Variants in OSBPL1A observed in about 807,000 individuals in gnomAD.
The protein encoded by OSBPL1A is oxysterol-binding protein-related protein 1.
OSBPL1A carries 80 observed loss-of-function variants against 137.1 expected under a neutral mutation model. That is an observed-to-expected ratio of 0.58 (90% confidence interval 0.49 to 0.70). The LOEUF (loss-of-function observed/expected upper bound fraction) is 0.70. OSBPL1A is among the 30% of genes least tolerant of loss of function. OSBPL1A has a pLI of 0.00. For synonymous variants in OSBPL1A, 365 were observed against 389.7 expected, an observed-to-expected ratio of 0.94 and a Z score of 0.75; for missense variants, 970 against 1,129.4, an observed-to-expected ratio of 0.86 and a Z score of 2.02.
At chr18:24,297,708 C>T (rs1280394188) in intron 14 of OSBPL1A, among the ~76,000 whole-genome samples, 1 of 152,072 alleles carries the variant, frequency 6.6e-6, no homozygotes, top group East Asian at 1.9e-4. Context: ...CTGAGCATTC[C>T]TTTTGGAGTT....
At chr18:24,351,528 T>TTTTGTTTG (rs146795519) in intron 4 of OSBPL1A, among the ~76,000 whole-genome samples, 2 of 150,938 alleles carry the variant, frequency 1.3e-5, no homozygotes, top group African/African-American at 2.4e-5. Context: ...TGCAATTGTT[T>TTTTGTTTG]TTTGTTTGTT....
At chr18:24,377,970 T>C (rs1418941667) in intron 1 of OSBPL1A, among the ~76,000 whole-genome samples, 1 of 152,188 alleles carries the variant, frequency 6.6e-6, no homozygotes, top group Non-Finnish European at 1.5e-5. Context: ...ATAGGAATAG[T>C]GTAAGACTAA....
intron 17 of OSBPL1A, among the ~76,000 whole-genome samples, chr18:24,214,738 C>T (rs1375161424): frequency 6.6e-6 from 1 of 152,076 alleles, no homozygotes; most frequent in Non-Finnish European, 1.5e-5. Context: ...TTTCTGATCA[C>T]CAAAACAAGG....
At chr18:24,168,470 T>C (rs1025696240) in intron 24 of OSBPL1A, among the ~76,000 whole-genome samples, 4 of 152,176 alleles carry the variant, frequency 2.6e-5, no homozygotes, top group African/African-American at 9.7e-5. Flanking sequence ...GGAGCCAGCA[T>C]TTCCTCGGGC....
intron 2 of OSBPL1A, among the ~76,000 whole-genome samples, chr18:24,374,875 G>A (rs752382953): frequency 1.3e-5 from 2 of 152,116 alleles, no homozygotes; most frequent in Admixed American, 6.6e-5. Context: ...GACAAGGGTG[G>A]CTGAGGACCC....
At chr18:24,311,692 C>G (rs1359067478) in intron 13 of OSBPL1A, among the ~76,000 whole-genome samples, 2 of 152,184 alleles carry the variant, frequency 1.3e-5, no homozygotes, top group African/African-American at 2.4e-5. Context: ...CTCGCAGCAA[C>G]TTTCAAACAA....
chr18:24,200,335 G>A (rs374533792), intron 17 of OSBPL1A, among the ~76,000 whole-genome samples: 8 of 151,968 alleles, frequency 5.3e-5, no homozygotes, highest in African/African-American at 9.7e-5. Context: ...AGGCTGAGGC[G>A]GGTGGATCAC....
At chr18:24,168,709 C>G (rs934835404) in intron 24 of OSBPL1A, among the ~76,000 whole-genome samples, 2 of 152,162 alleles carry the variant, frequency 1.3e-5, no homozygotes, top group Admixed American at 6.5e-5. Flanking sequence ...GCTAATGACA[C>G]AAACTTCCCG....
At chr18:24,217,473 T>A (rs957005046) in intron 17 of OSBPL1A, among the ~76,000 whole-genome samples, 3 of 152,062 alleles carry the variant, frequency 2.0e-5, no homozygotes, top group Admixed American at 1.3e-4. Context: ...GGCCAACTGG[T>A]CTTGAACTCC....
intron 7 of OSBPL1A, among the ~76,000 whole-genome samples, chr18:24,328,277 G>A (rs1464119299): frequency 7.5e-6 from 1 of 133,244 alleles, no homozygotes; most frequent in Non-Finnish European, 1.5e-5. Flanking sequence ...AGCCAGGATG[G>A]TCTCAATCTC....
chr18:24,306,668 G>T (rs1022708751), intron 13 of OSBPL1A, among the ~76,000 whole-genome samples: 1 of 152,060 alleles, frequency 6.6e-6, no homozygotes, highest in Admixed American at 6.6e-5. Context: ...GTATTATCTG[G>T]GAAGAGCAGC....
intron 1 of OSBPL1A, among the ~76,000 whole-genome samples, chr18:24,393,483 C>T (rs998315041): frequency 7.9e-5 from 12 of 152,088 alleles, no homozygotes; most frequent in East Asian, 3.9e-4. Context: ...GACGGAGTCT[C>T]GCTCTGTCGC....
chr18:24,278,474 T>C (rs1208239160), intron 15 of OSBPL1A, among the ~76,000 whole-genome samples: 1 of 152,210 alleles, frequency 6.6e-6, no homozygotes, highest in Non-Finnish European at 1.5e-5. Context: ...TCTTATTTAA[T>C]CCTCATGATA....
chr18:24,281,998 G>A (rs946853275), intron 14 of OSBPL1A, among the ~76,000 whole-genome samples: 1 of 152,140 alleles, frequency 6.6e-6, no homozygotes, highest in Admixed American at 6.5e-5. Flanking sequence ...GATTTAGGTT[G>A]CGGGCTCCTT....
intron 5 of OSBPL1A, among the ~76,000 whole-genome samples, chr18:24,340,035 C>T (rs1197988571): frequency 1.3e-5 from 2 of 152,158 alleles, no homozygotes; most frequent in East Asian, 3.9e-4. Context: ...TATTGCCTTT[C>T]TCTGAATTCC....
intron 7 of OSBPL1A, among the ~76,000 whole-genome samples, chr18:24,319,536 C>T (rs1204902940): frequency 6.6e-6 from 1 of 152,138 alleles, no homozygotes; most frequent in African/African-American, 2.4e-5. Context: ...AGAATAAAGC[C>T]GGCAAGCTAT....
chr18:24,224,567 T>C (rs142581919), intron 17 of OSBPL1A, among the ~76,000 whole-genome samples: 154 of 152,296 alleles, frequency 1.0e-3, no homozygotes, highest in African/African-American at 3.6e-3. Context: ...AAAATGGGTA[T>C]GTTCAGCAAG....
At chr18:24,314,215 G>A in intron 12 of OSBPL1A, 34 bp downstream of exon 12, 2 of 1,427,368 alleles carry the variant, frequency 1.4e-6, no homozygotes, top group Non-Finnish European at 1.9e-6. Context: ...TGTTCTGTAA[G>A]TTTTAGGAAA....
intron 4 of OSBPL1A, among the ~76,000 whole-genome samples, chr18:24,353,128 G>A (rs571809114): frequency 1.3e-5 from 2 of 152,178 alleles, no homozygotes; most frequent in Admixed American, 6.5e-5. Context: ...GAGTGAACAG[G>A]CAACCTACAA....
Sources: gnomAD v4.1 joint callset for allele counts (sites outside exome capture counted in the v4.1 genomes callset) on GRCh38, gnomAD v4.1.1 for gene constraint, MANE v1.5 for transcripts, NCBI Gene and HGNC (gene_info 2026-07-23, HGNC 2026-07-21) for gene names.